ZNF268: variants seen among roughly 807,000 people sequenced by gnomAD.
ZNF268 encodes the protein zinc finger protein 3.
A neutral mutation model predicts 29.3 loss-of-function variants in ZNF268; 20 were observed. The observed-to-expected ratio is 0.68, with a 90% CI of 0.48 to 0.99. The LOEUF is 0.99. Among genes scored for constraint, ZNF268 ranks in the 50% least tolerant of loss-of-function variants. The probability of loss-of-function intolerance (pLI) is 0.00; values close to 1 mark genes in which losing one functional copy is unlikely to be tolerated. For missense variants in ZNF268, 1,240 were observed against 1,121.6 expected, an observed-to-expected ratio of 1.11 and a Z score of -1.51; for synonymous variants, 429 against 376.9, an observed-to-expected ratio of 1.14 and a Z score of -1.60.
At position 133,212,512 on chromosome 12, in the gene ZNF268, C is replaced by T. The variant is rs1245136868; in HGVS notation, c.*7982C>T. Reference sequence around the variant, plus strand: ...ATATATATATATGTATATATACACACACACATACACACATATATACACATA... The same window carrying T: ...ATATATATATATGTATATATACACATACACATACACACATATATACACATA... On this transcript the variant is annotated 3_prime_UTR_variant, in exon 6 of 6. Coordinates refer to ENST00000536435, the MANE Select transcript of ZNF268 (RefSeq NM_003415.3). 8.5e-4 allele frequency: 57 copies of T among 66,686 alleles called. 3 individuals are homozygous for T. Among genetic ancestry groups the T allele is most frequent in the African/African-American group, 2.6e-3 (48 of 18,640 alleles). 4.1% of individuals were successfully genotyped at this position (66,686 alleles called of 1,614,324 possible).
Position 133,212,469 on chromosome 12 carries a change from A to ATATATATATATATATATATATATATATG in ZNF268, c.*7966_*7967insGTATATATATATATATATATATATATAT, listed in dbSNP as rs1956996723. On this transcript the variant is annotated 3_prime_UTR_variant, in exon 6 of 6. Coordinates refer to ENST00000536435, the MANE Select transcript of ZNF268 (RefSeq NM_003415.3). ...TTTATATATATATATATATATATATATATATATATATATATATATATATAT... is the reference window on the plus strand; with the variant it reads ...TTTATATATATATATATATATATATATATATATATATATATATATATATATATGTATATATATATATATATATATATAT... The ATATATATATATATATATATATATATATG allele has an allele frequency of 1.1e-4, 1 of 8,800 alleles. No individual in the cohort carries two copies. The highest frequency in any genetic ancestry group is 1.8e-4 in the Non-Finnish European group (1 of 5,582). 0.5% of individuals were successfully genotyped at this position (8,800 alleles called of 1,614,324 possible).
At chr12:133,187,282 A>G (rs1956347088) in intron 2 of ZNF268, among the ~76,000 whole-genome samples, 1 of 150,028 alleles carries the variant, frequency 6.7e-6, no homozygotes, top group Admixed American at 6.6e-5. Context: ...TTTTTTCCTA[A>G]TTTATTTATT....
At chr12:133,193,511 C>A (rs983158568) in intron 5 of ZNF268, 2 of 696,282 alleles carry the variant, frequency 2.9e-6, no homozygotes, top group Non-Finnish European at 5.2e-6. Flanking sequence ...CAAGATGACG[C>A]CTTGTTGCTG....
chr12:133,201,311 AG>A (rs772849103), intron 5 of ZNF268, among the ~76,000 whole-genome samples: 2 of 151,876 alleles, frequency 1.3e-5, no homozygotes, highest in Non-Finnish European at 2.9e-5. Context: ...AGTTTTTTTA[AG>A]GCCTGCTGTG....
Position 133,203,394 on chromosome 12 carries a change from C to T in ZNF268, c.1708C>T (p.Gln570Ter), listed in dbSNP as rs746488068. 2.6e-6 allele frequency: 4 copies of T among 1,546,010 alleles called. No individual in the cohort carries two copies. The highest frequency in any genetic ancestry group is 3.5e-6 in the Non-Finnish European group (4 of 1,150,278). ...TGGGAAAGCCTTCAGTCGGAAATAC[C>T]AGCTTATTTCACACCAGAGAACTCA... Reference protein sequence around the residue: ...ECGKAFSRKYQLISHQRTHAG... With the variant: ...ECGKAFSRKY The change falls in exon 6 of 6, where the codon CAG (glutamine) becomes TAG (stop). Residue 570 changes from glutamine (Q) to a stop codon, truncating the protein, a stop_gained. Coordinates refer to ENST00000536435, the MANE Select transcript of ZNF268 (RefSeq NM_003415.3). LOFTEE classifies it low-confidence loss of function (END_TRUNC).
chr12:133,203,936 T>C lies in ZNF268; in HGVS notation c.2250T>C (p.Asn750=), dbSNP rs764328811. ...ATCAGAGAATTCACACAGGAGAAAA[T>C]CCCTATGAATGCAGTGAATGTGGGA... ...IVHQRIHTGE[N]PYECSECGKA... Residue 750 remains asparagine (N), a synonymous_variant, in exon 6 of 6, where the codon AAT becomes AAC. Transcript: ENST00000536435. The C allele has an allele frequency of 6.3e-7, 1 of 1,592,606 alleles. No individual in the cohort carries two copies. The highest frequency in any genetic ancestry group is 8.5e-7 in the Non-Finnish European group (1 of 1,171,728).
intron 3 of ZNF268, among the ~76,000 whole-genome samples, chr12:133,188,359 C>G (rs544053370): frequency 2.0e-5 from 3 of 152,168 alleles, no homozygotes; most frequent in African/African-American, 7.2e-5. Flanking sequence ...CCATGCCTGG[C>G]TGATGTTTTT....
At chr12:133,194,508 A>C (rs1247580779) in intron 5 of ZNF268, among the ~76,000 whole-genome samples, 1 of 152,128 alleles carries the variant, frequency 6.6e-6, no homozygotes, top group Non-Finnish European at 1.5e-5. Flanking sequence ...ATGAAATAAA[A>C]AGGGCTGTTT....
At position 133,202,958 on chromosome 12, in the gene ZNF268, C is replaced by G; in HGVS notation, c.1272C>G (p.Ala424=). Residue 424 remains alanine, a synonymous_variant, in exon 6 of 6, where the codon GCC becomes GCG. Coordinates refer to ENST00000536435, the MANE Select transcript of ZNF268 (RefSeq NM_003415.3). ...KPYECNECQK[A]FNTKSNLMVH... The stretch of plus-strand genomic sequence containing the variant: ...ATGAATGCAATGAATGTCAGAAAGC[C>G]TTTAATACAAAGTCAAACCTTATGG... 1 of 1,546,512 alleles carries G rather than the reference C, an allele frequency of 6.5e-7. No individual in the cohort carries two copies. Among genetic ancestry groups the G allele is most frequent in the Non-Finnish European group, 8.7e-7 (1 of 1,150,762 alleles).
chr12:133,203,916 A>T lies in ZNF268; in HGVS notation c.2230A>T (p.Arg744Ter), dbSNP rs1203091804. The change falls in exon 6 of 6, where the codon AGA (arginine) becomes TGA (stop). Residue 744 changes from arginine (R) to a stop codon, truncating the protein, a stop_gained. Transcript: ENST00000536435. LOFTEE classifies it low-confidence loss of function (END_TRUNC). ...SFNSQLIVHQ[R>*]IHTGENPYEC... ...CAATTCACAACTCATTGTGCATCAG[A>T]GAATTCACACAGGAGAAAATCCCTA... The T allele has an allele frequency of 6.3e-7, 1 of 1,587,842 alleles. No homozygotes were observed. The highest frequency in any genetic ancestry group is 8.6e-7 in the Non-Finnish European group (1 of 1,169,436).
rs1394482917 is a variant in ZNF268, at chr12:133,205,427, G to A, written c.*897G>A. On this transcript the variant is annotated 3_prime_UTR_variant, in exon 6 of 6. Transcript: ENST00000536435. ...ATGTGTACTACATAATATGAATTTT[G>A]CAGTTTGGCATTTTACTTGCGAATG... The A allele has an allele frequency of 6.6e-6, 1 of 151,954 alleles. No individual in the cohort carries two copies. Among genetic ancestry groups the A allele is most frequent in the Non-Finnish European group, 1.5e-5 (1 of 67,978 alleles). The allele number at this position is 151,954 out of a possible 1,614,324, so 9.4% of individuals were successfully genotyped here.
Position 133,206,003 on chromosome 12 carries a change from C to T in ZNF268, c.*1473C>T, listed in dbSNP as rs151314374. ...GAGGTTCCCAGAACAGCTTTTGTTACTGTCATTTTCTTAACTTTGTTCACT... is the reference window on the plus strand; with the variant it reads ...GAGGTTCCCAGAACAGCTTTTGTTATTGTCATTTTCTTAACTTTGTTCACT... On this transcript the variant is annotated 3_prime_UTR_variant, in exon 6 of 6. Transcript: ENST00000536435. 6.6e-6 allele frequency: 1 copy of T among 152,176 alleles called. No individual in the cohort carries two copies. The highest frequency in any genetic ancestry group is 1.5e-5 in the Non-Finnish European group (1 of 68,034). 9.4% of individuals were successfully genotyped at this position (152,176 alleles called of 1,614,324 possible). A position where few individuals can be genotyped will look rare whatever the true frequency, so the allele number is the denominator to read the frequency against.
rs1956954609 is a variant in ZNF268 at position 133,209,961 on chromosome 12, G to A, written c.*5431G>A. On this transcript the variant is annotated 3_prime_UTR_variant, in exon 6 of 6. Transcript: ENST00000536435. Reference sequence around the variant, plus strand: ...GTGTTTCTCCCTTTTTTTGTACTGGGATTTCTCCCCAGAAACAAACCCATA... The same window carrying A: ...GTGTTTCTCCCTTTTTTTGTACTGGAATTTCTCCCCAGAAACAAACCCATA... 1 of 152,158 alleles carries A rather than the reference G, an allele frequency of 6.6e-6. No homozygotes were observed. The highest frequency in any genetic ancestry group is 1.5e-5 in the Non-Finnish European group (1 of 68,038). The allele number at this position is 152,158 out of a possible 1,614,324, so 9.4% of individuals were successfully genotyped here. A position where few individuals can be genotyped will look rare whatever the true frequency, so the allele number is the denominator to read the frequency against.
At chr12:133,199,246 G>A (rs537076077) in intron 5 of ZNF268, among the ~76,000 whole-genome samples, 9 of 152,270 alleles carry the variant, frequency 5.9e-5, no homozygotes, top group Non-Finnish European at 8.8e-5. Context: ...TTAGCATGAA[G>A]GGTTGTTGAA....
intron 5 of ZNF268, among the ~76,000 whole-genome samples, chr12:133,196,201 A>G (rs1469675918): frequency 6.7e-6 from 1 of 150,102 alleles, no homozygotes; most frequent in Non-Finnish European, 1.5e-5. Context: ...GCATGCCTGT[A>G]ATCCCAGCTA....
chr12:133,190,029 C>T (rs969727673), intron 3 of ZNF268, among the ~76,000 whole-genome samples: 1 of 152,094 alleles, frequency 6.6e-6, no homozygotes, highest in African/African-American at 2.4e-5. Context: ...AGGATGGTCT[C>T]GTTCTCCTGA....
rs1245658656 is a variant in ZNF268 at position 133,207,282 on chromosome 12, GCAAACCATATTTGTGAACATAGGTT to G, written c.*2753_*2777del. 8 of 150,630 alleles carry G rather than the reference GCAAACCATATTTGTGAACATAGGTT, an allele frequency of 5.3e-5. No individual in the cohort carries two copies. The highest frequency in any genetic ancestry group is 2.0e-4 in the African/African-American group (8 of 40,824). The allele number at this position is 150,630 out of a possible 1,614,324, so 9.3% of individuals were successfully genotyped here. On this transcript the variant is annotated 3_prime_UTR_variant, in exon 6 of 6. Coordinates refer to ENST00000536435, the MANE Select transcript of ZNF268 (RefSeq NM_003415.3). ...AGAAATTTAGGAGAAAAAATGACTT[GCAAACCATATTTGTGAACATAGGTT>G]TAAAAATCCATATTTGTGAACATAG...
chr12:133,185,000 A>G (rs1368271457), intron 2 of ZNF268, among the ~76,000 whole-genome samples: 2 of 152,082 alleles, frequency 1.3e-5, no homozygotes, highest in African/African-American at 2.4e-5. Context: ...CCTGGCCAAC[A>G]TGGCGAAACC....
rs1007144246 is a variant in ZNF268, at chr12:133,205,262, A to T, written c.*732A>T. ...GAAATTTTATTCCAGGTGTTCCAAA[A>T]TTTCAGGAAAAGGTTTGAGAAAATT... On this transcript the variant is annotated 3_prime_UTR_variant, in exon 6 of 6. Transcript: ENST00000536435. 1 of 151,618 alleles carries T rather than the reference A, an allele frequency of 6.6e-6. No homozygotes were observed. Among genetic ancestry groups the T allele is most frequent in the African/African-American group, 2.4e-5 (1 of 41,310 alleles). 9.4% of individuals were successfully genotyped at this position (151,618 alleles called of 1,614,324 possible).
Sources: allele counts gnomAD v4.1 joint callset (sites outside exome capture counted in the v4.1 genomes callset), GRCh38; gene constraint gnomAD v4.1.1; transcripts MANE v1.5; gene names NCBI Gene and HGNC (gene_info 2026-07-23, HGNC 2026-07-21).